NFATC1: variants seen among roughly 807,000 people sequenced by gnomAD.
NFATC1 encodes the protein nuclear factor of activated T-cells, cytoplasmic 1.
In NFATC1, 22 loss-of-function variants were observed where a neutral mutation model predicts 76.0. The ratio of observed to expected loss-of-function variants is 0.29; its 90% CI spans 0.21 to 0.41. The LOEUF is 0.41. NFATC1 is among the 10% of genes least tolerant of loss of function. The pLI is 1.00. For synonymous variants in NFATC1, 704 were observed against 613.1 expected, an observed-to-expected ratio of 1.15 and a Z score of -2.19; for missense variants, 1,357 against 1,337.7, an observed-to-expected ratio of 1.01 and a Z score of -0.23.
chr18:79,410,384 T>C lies in NFATC1; in HGVS notation c.128-19T>C, dbSNP rs772256529. The C allele has an allele frequency of 5.0e-6, 8 of 1,586,462 alleles. No homozygotes were observed. The highest frequency in any genetic ancestry group is 6.9e-6 in the Non-Finnish European group (8 of 1,166,444). ...ATGCCCAGCCCCTCATGCTCCCATC[T>C]GCTTCTTTTTCTCTCTAGAACACTA... On this transcript the variant is annotated intron_variant, in intron 1 of 9. Coordinates refer to ENST00000427363, the MANE Select transcript of NFATC1 (RefSeq NM_001278669.2). The surrounding 1 kb of genome is among the most constrained non-coding windows in gnomAD (Gnocchi z 6.7).
At chr18:79,521,871 C>A (rs1026722474) in intron 9 of NFATC1, among the ~76,000 whole-genome samples, 1 of 9,108 alleles carries the variant, frequency 1.1e-4, no homozygotes, top group Non-Finnish European at 1.8e-4. Flanking sequence ...ATGTGTGTGT[C>A]TGTGTGTGTG....
rs564279001 is a variant in NFATC1 at position 79,436,123 on chromosome 18, G to A, written c.1386+2385G>A. Among the ~76,000 whole-genome samples, 8 of 152,344 alleles carry A rather than the reference G, an allele frequency of 5.3e-5. No individual in the cohort carries two copies. The South Asian group carries it at 6.2e-4, about 12-fold the overall frequency. Reference sequence around the variant, plus strand: ...CGAGAATAGAAAGCTCTCAGTTGCCGTGGAAGCTCCTCGTAACCGCAGACG... The same window carrying A: ...CGAGAATAGAAAGCTCTCAGTTGCCATGGAAGCTCCTCGTAACCGCAGACG... On this transcript the variant is annotated intron_variant, in intron 3 of 9. Coordinates refer to ENST00000427363, the MANE Select transcript of NFATC1 (RefSeq NM_001278669.2).
intron 6 of NFATC1, among the ~76,000 whole-genome samples, chr18:79,455,746 T>TCACGGCCGCCCCATCC (rs773916438): frequency 0.19 from 28,308 of 147,168 alleles, 2,942 homozygotes; most frequent in Middle Eastern, 0.29. Context: ...GCCCCCCATC[T>TCACGGCCGCCCCATCC]CACGGCCGCC....
intron 9 of NFATC1, chr18:79,527,237 TC>T (rs992810436): frequency 5.6e-6 from 2 of 354,388 alleles, no homozygotes; most frequent in Non-Finnish European, 1.0e-5. Context: ...CACAGCATCT[TC>T]CCAGCATCGC....
rs1284116977 is a variant in NFATC1, at chr18:79,474,928, C to T, written c.2092+7346C>T. Reference sequence around the variant, plus strand: ...GGAAGCGTGTTCTCACGCTCGCTGTCAACGTAAACCTGAGGGAAGCGTGTT... The same window carrying T: ...GGAAGCGTGTTCTCACGCTCGCTGTTAACGTAAACCTGAGGGAAGCGTGTT... On this transcript the variant is annotated intron_variant, in intron 8 of 9. Transcript: ENST00000427363. Among the ~76,000 whole-genome samples, 21 of 139,306 alleles carry T rather than the reference C, an allele frequency of 1.5e-4. 1 individual carries two copies. Among genetic ancestry groups the T allele is most frequent in the African/African-American group, 5.5e-4 (19 of 34,838 alleles). 91.4% of individuals were successfully genotyped at this position (139,306 alleles called of 152,430 possible).
At chr18:79,425,796 A>G (rs1304814967) in intron 2 of NFATC1, among the ~76,000 whole-genome samples, 1 of 152,196 alleles carries the variant, frequency 6.6e-6, no homozygotes, top group Non-Finnish European at 1.5e-5. Context: ...TGGGCGGGGG[A>G]GGAGCTGGGC....
chr18:79,504,003 G>T (rs1291592125), intron 9 of NFATC1, among the ~76,000 whole-genome samples: 1 of 152,192 alleles, frequency 6.6e-6, no homozygotes, highest in South Asian at 2.1e-4. Flanking sequence ...GAGAGAGCGA[G>T]GGTCTTGGTC....
At chr18:79,430,159 G>A (rs1016359152) in intron 2 of NFATC1, among the ~76,000 whole-genome samples, 2 of 152,252 alleles carry the variant, frequency 1.3e-5, no homozygotes, top group African/African-American at 2.4e-5. Flanking sequence ...AAAGTGACAC[G>A]TGGCTGCGTT....
chr18:79,436,274 C>T (rs1232736855), intron 3 of NFATC1, among the ~76,000 whole-genome samples: 2 of 152,204 alleles, frequency 1.3e-5, no homozygotes, highest in African/African-American at 2.4e-5. Context: ...GTGGGCGCTG[C>T]GGGCGGCTGG....
At position 79,465,351 on chromosome 18, in the gene NFATC1, A is replaced by G. The variant is rs1600819172; in HGVS notation, c.1960-2099A>G. Reference sequence around the variant, plus strand: ...TCAGGTAGGACTTAGGAAAACTGGCATGCACCGTCCAGCATGCCCCACAGG... The same window carrying G: ...TCAGGTAGGACTTAGGAAAACTGGCGTGCACCGTCCAGCATGCCCCACAGG... On this transcript the variant is annotated intron_variant, in intron 7 of 9. Coordinates refer to ENST00000427363, the MANE Select transcript of NFATC1 (RefSeq NM_001278669.2). This position sits in a 1 kb window ranked among gnomAD's most constrained non-coding sequence, Gnocchi z 4.2. Among the ~76,000 whole-genome samples the G allele has an allele frequency of 6.6e-6, 1 of 152,216 alleles. No individual in the cohort carries two copies. The highest frequency in any genetic ancestry group is 1.9e-4 in the East Asian group (1 of 5,198).
intron 3 of NFATC1, among the ~76,000 whole-genome samples, chr18:79,438,625 C>G (rs186326405): frequency 5.3e-5 from 8 of 152,354 alleles, no homozygotes; most frequent in African/African-American, 1.7e-4. Context: ...AGGTTTGCAG[C>G]TTATAATATT....
intron 9 of NFATC1, among the ~76,000 whole-genome samples, chr18:79,501,550 A>G (rs1243046315): frequency 1.3e-5 from 2 of 152,140 alleles, no homozygotes; most frequent in African/African-American, 4.8e-5. Context: ...AATTGTCTTT[A>G]TTGGAAGAAA....
At chr18:79,474,345 C>T (rs546590804) in intron 8 of NFATC1, among the ~76,000 whole-genome samples, 1 of 144,748 alleles carries the variant, frequency 6.9e-6, no homozygotes, top group African/African-American at 2.6e-5. Context: ...TCACTGTCGA[C>T]GTTGTAAACC....
chr18:79,411,136 G>A lies in NFATC1; in HGVS notation c.861G>A (p.Pro287=), dbSNP rs142009203. ...YSPHHSPTPS[P]HGSPRVSVTD... The stretch of plus-strand genomic sequence containing the variant: ...CCCACCACTCGCCCACGCCGTCCCC[G>A]CACGGCTCCCCGCGGGTCAGCGTGA... The change falls in exon 2 of 10, where the codon CCG becomes CCA. Residue 287 remains proline, a synonymous_variant. Transcript: ENST00000427363. 1.7e-5 allele frequency: 28 copies of A among 1,612,276 alleles called. No homozygotes were observed. The highest frequency in any genetic ancestry group is 4.5e-5 in the East Asian group (2 of 44,848).
chr18:79,433,837 G>T, intron 3 of NFATC1, 99 bp downstream of exon 3: 1 of 1,441,464 alleles, frequency 6.9e-7, no homozygotes, highest in South Asian at 1.4e-5. Context: ...TCCCAGCCAG[G>T]CCAGCTGAAT....
chr18:79,487,585 G>T (rs1437832849), intron 9 of NFATC1, among the ~76,000 whole-genome samples: 1 of 152,242 alleles, frequency 6.6e-6, no homozygotes, highest in Non-Finnish European at 1.5e-5. Flanking sequence ...AGGGAAGGAA[G>T]TGGCCTCACG....
chr18:79,405,756 CT>C (rs1475512250), intron 1 of NFATC1, among the ~76,000 whole-genome samples: 1 of 152,238 alleles, frequency 6.6e-6, no homozygotes, highest in Non-Finnish European at 1.5e-5. Context: ...TAGGTGAGCC[CT>C]TTTTGTTTTT....
chr18:79,433,627 G>C lies in NFATC1; in HGVS notation c.1275G>C (p.Pro425=). The change falls in exon 3 of 10, where the codon CCG becomes CCC. Residue 425 remains proline, a synonymous_variant. Coordinates refer to ENST00000427363, the MANE Select transcript of NFATC1 (RefSeq NM_001278669.2). The part of the protein sequence containing the change: ...LDWQLPSHSG[P]YELRIEVQPK... Reference sequence around the variant, plus strand: ...GGCAGCTGCCGTCCCACTCAGGCCCGTATGAGCTTCGGATTGAGGTGCAGC... The same window carrying C: ...GGCAGCTGCCGTCCCACTCAGGCCCCTATGAGCTTCGGATTGAGGTGCAGC... The C allele has an allele frequency of 6.2e-7, 1 of 1,612,994 alleles. No individual in the cohort carries two copies. The highest frequency in any genetic ancestry group is 1.3e-5 in the African/African-American group (1 of 74,986).
intron 2 of NFATC1, among the ~76,000 whole-genome samples, chr18:79,433,117 C>T (rs796589634): frequency 1.3e-5 from 2 of 152,326 alleles, no homozygotes; most frequent in African/African-American, 4.8e-5. Flanking sequence ...GGGCTGGCGG[C>T]GCTGCGCACA....
Sources: allele counts gnomAD v4.1 joint callset (sites outside exome capture counted in the v4.1 genomes callset), GRCh38; gene constraint gnomAD v4.1.1; non-coding constraint Gnocchi (gnomAD v3.1); transcripts MANE v1.5; gene names NCBI Gene and HGNC (gene_info 2026-07-23, HGNC 2026-07-21).